Variants in ABCC3 observed in about 807,000 individuals in gnomAD.
ABCC3 encodes ATP binding cassette subfamily C member 3, also known as ATP-binding cassette sub-family C member 3.
A neutral mutation model predicts 165.3 loss-of-function variants in ABCC3; 121 were observed. The ratio of observed to expected loss-of-function variants is 0.73; its 90% CI spans 0.63 to 0.85. The LOEUF is 0.85. ABCC3 is among the 40% of genes least tolerant of loss of function. ABCC3 has a pLI of 0.00. For missense variants in ABCC3, 1,869 were observed against 1,964.1 expected, an observed-to-expected ratio of 0.95 and a Z score of 0.92; for synonymous variants, 733 against 810.1, an observed-to-expected ratio of 0.90 and a Z score of 1.62.
At position 50,684,073 on chromosome 17, in the gene ABCC3, A is replaced by G. The variant is rs369815202; in HGVS notation, c.4079A>G (p.His1360Arg). Residue 1360 changes from histidine (H) to arginine (R), a missense_variant, in exon 28 of 31, where the codon CAT becomes CGT. Physicochemically the swap from His to Arg is conservative, Grantham distance 29 (BLOSUM62 0). Coordinates refer to ENST00000285238, the MANE Select transcript of ABCC3 (RefSeq NM_003786.4). ...CTCAATGTGGCAGACATCGGCCTCC[A>G]TGACCTGCGCTCTCAGCTGACCATC... ...DGLNVADIGL[H>R]DLRSQLTIIP... 5 of 1,613,512 alleles carry G rather than the reference A, an allele frequency of 3.1e-6. No individual in the cohort carries two copies. Among genetic ancestry groups the G allele is most frequent in the Non-Finnish European group, 4.2e-6 (5 of 1,179,784 alleles).
chr17:50,674,044 CTT>C (rs1567835773), intron 19 of ABCC3, among the ~76,000 whole-genome samples: 12 of 34,172 alleles, frequency 3.5e-4, no homozygotes, highest in African/African-American at 6.2e-4. Context: ...CTCTTTCTTT[CTT>C]TCTTTCTTTC....
chr17:50,686,905 G>A (rs1968032205), intron 29 of ABCC3, among the ~76,000 whole-genome samples: 1 of 152,136 alleles, frequency 6.6e-6, no homozygotes, highest in Admixed American at 6.6e-5. Context: ...GGGATGCTGT[G>A]GCCTCTGGTT....
chr17:50,656,589 C>T (rs995392342), intron 2 of ABCC3, 113 bp from the exon 3 acceptor site: 33 of 1,410,664 alleles, frequency 2.3e-5, no homozygotes, highest in Non-Finnish European at 3.2e-5. Flanking sequence ...ACCTCAGTGC[C>T]AGTCCCAGGC....
rs201006066 is a variant in ABCC3 at position 50,641,466 on chromosome 17, T to C, written c.45+6485T>C. On this transcript the variant is annotated intron_variant, in intron 1 of 30. Transcript: ENST00000285238. The stretch of plus-strand genomic sequence containing the variant: ...CCTGTCCTCACCTTCATTTTACACA[T>C]AACTGAGTTGGAGACCCTTCTGGGT... Among the ~76,000 whole-genome samples the C allele has an allele frequency of 6.6e-5, 10 of 152,306 alleles. No individual in the cohort carries two copies. In the East Asian group the frequency reaches 1.7e-3, roughly 26 times the overall value.
chr17:50,644,137 C>A (rs1050293961), intron 1 of ABCC3, among the ~76,000 whole-genome samples: 3 of 150,968 alleles, frequency 2.0e-5, no homozygotes, highest in African/African-American at 7.3e-5. Flanking sequence ...ACGGTGAAAC[C>A]CCGTCTCTAC....
intron 13 of ABCC3, 36 bp from the exon 14 acceptor site, chr17:50,668,394 G>C (rs1377020892): frequency 3.2e-5 from 51 of 1,587,556 alleles, no homozygotes; most frequent in Non-Finnish European, 3.5e-5. Flanking sequence ...GGTTGGGAAA[G>C]TACAGTCTCT....
chr17:50,684,846 C>A lies in ABCC3; in HGVS notation c.4251C>A (p.Phe1417Leu), dbSNP rs1383501101. The A allele has an allele frequency of 6.2e-7, 1 of 1,614,138 alleles. No individual in the cohort carries two copies. Among genetic ancestry groups the A allele is most frequent in the East Asian group, 2.2e-5 (1 of 44,888 alleles). The change falls in exon 29 of 31, where the codon TTC becomes TTA. Residue 1417 changes from phenylalanine (F) to leucine (L), a missense_variant. Phe to Leu is a conservative substitution (Grantham distance 22). Transcript: ENST00000285238. ...GCTCCCAGCCGGCAGGCCTGGACTT[C>A]CAGTGCTCAGAGGGCGGGGAGAATC... is the stretch of plus-strand genomic sequence containing the variant. ...FVSSQPAGLD[F>L]QCSEGGENLS... is the part of the protein sequence containing the mutation.
intron 1 of ABCC3, among the ~76,000 whole-genome samples, chr17:50,655,576 A>G (rs1363100524): frequency 6.6e-6 from 1 of 152,088 alleles, no homozygotes; most frequent in Admixed American, 6.6e-5. Flanking sequence ...AATTGGGTGC[A>G]GTTTTTGTTG....
Position 50,679,816 on chromosome 17 carries a change from T to G in ABCC3, c.3724T>G (p.Trp1242Gly). The G allele has an allele frequency of 6.2e-7, 1 of 1,614,120 alleles. No individual in the cohort carries two copies. The stretch of plus-strand genomic sequence containing the variant: ...TGGCCAGGTGACATTTGCTCTGAAC[T>G]GGATGATACGAATGATGTCAGATTT... ...YSLQVTFALN[W>G]MIRMMSDLES... is the part of the protein sequence containing the mutation. Residue 1242 changes from tryptophan to glycine, a missense_variant, in exon 26 of 31, where the codon TGG becomes GGG. Physicochemically the swap from Trp to Gly is radical, Grantham distance 184. Transcript: ENST00000285238.
chr17:50,678,352 A>AT, intron 25 of ABCC3, 133 bp downstream of exon 25: 33 of 894,938 alleles, frequency 3.7e-5, no homozygotes, highest in Non-Finnish European at 4.9e-5. Flanking sequence ...AAGGACTGTG[A>AT]GAAAAAAAAA....
intron 1 of ABCC3, among the ~76,000 whole-genome samples, chr17:50,651,050 G>A (rs564551035): frequency 8.9e-5 from 11 of 122,936 alleles, no homozygotes; most frequent in African/African-American, 3.4e-4. Context: ...GGGTGACAGC[G>A]CGAGACTCCA....
chr17:50,668,420 C>T lies in ABCC3; in HGVS notation c.1783-10C>T. On this transcript the variant is annotated splice_polypyrimidine_tract_variant and intron_variant, in intron 13 of 30. Transcript: ENST00000285238. Reference sequence around the variant, plus strand: ...TACAGTCTCTAGGGCTGACTCACATCCTCCCGTAGGCCAGTGTGTCTCTGA... The same window carrying T: ...TACAGTCTCTAGGGCTGACTCACATTCTCCCGTAGGCCAGTGTGTCTCTGA... The T allele has an allele frequency of 1.9e-6, 3 of 1,612,630 alleles. No individual in the cohort carries two copies. The highest frequency in any genetic ancestry group is 2.5e-6 in the Non-Finnish European group (3 of 1,178,832).
rs765299998 is a variant in ABCC3 at position 50,664,023 on chromosome 17, C to T, written c.1250C>T (p.Ala417Val). 1 of 1,614,180 alleles carries T rather than the reference C, an allele frequency of 6.2e-7. No homozygotes were observed. ...ATTGTCAACCTCATGTCAGTGGATGCCCAGCGCTTCATGGACCTTGCCCCC... is the reference window on the plus strand; with the variant it reads ...ATTGTCAACCTCATGTCAGTGGATGTCCAGCGCTTCATGGACCTTGCCCCC... ...GEIVNLMSVD[A>V]QRFMDLAPFL... The change falls in exon 10 of 31, where the codon GCC (alanine) becomes GTC (valine). Residue 417 changes from alanine (A) to valine (V), a missense_variant. Physicochemically the swap from Ala to Val is moderately conservative, Grantham distance 64. Transcript: ENST00000285238.
intron 26 of ABCC3, 44 bp downstream of exon 26, chr17:50,679,943 C>A: frequency 6.5e-7 from 1 of 1,532,718 alleles, no homozygotes; most frequent in Non-Finnish European, 9.0e-7. Flanking sequence ...TCTGAAGTAG[C>A]TGGGGAAGAA....
rs547660892 is a variant in ABCC3, at chr17:50,664,045, C to A, written c.1272C>A (p.Ala424=). Residue 424 remains alanine (A), a synonymous_variant, in exon 10 of 31, where the codon GCC becomes GCA. Transcript: ENST00000285238. ...ATGCCCAGCGCTTCATGGACCTTGC[C>A]CCCTTCCTCAATCTGCTGTGGTCAG... is the stretch of plus-strand genomic sequence containing the variant. The part of the protein sequence containing the change: ...SVDAQRFMDL[A]PFLNLLWSAP... 3 of 1,614,164 alleles carry A rather than the reference C, an allele frequency of 1.9e-6. No homozygotes were observed. Among genetic ancestry groups the A allele is most frequent in the African/African-American group, 2.7e-5 (2 of 75,042 alleles).
chr17:50,662,657 AAGAG>A (rs386386243), intron 8 of ABCC3, among the ~76,000 whole-genome samples: 9 of 147,642 alleles, frequency 6.1e-5, no homozygotes, highest in Non-Finnish European at 1.4e-4. Context: ...AAAAAAAAAA[AAGAG>A]AGAGAGAGAC....
chr17:50,656,047 C>A, intron 2 of ABCC3, 39 bp downstream of exon 2: 1 of 1,435,492 alleles, frequency 7.0e-7, no homozygotes, highest in South Asian at 1.6e-5. Context: ...GGGGCTGGGC[C>A]CTGGGGATTC....
At chr17:50,657,206 C>T (rs1189634846) in intron 4 of ABCC3, 23 bp downstream of exon 4, 2 of 1,610,960 alleles carry the variant, frequency 1.2e-6, no homozygotes, top group African/African-American at 1.3e-5. Flanking sequence ...GAGAGGGGAA[C>T]CTGCCAGGTT....
chr17:50,659,438 T>A (rs1250937854), intron 7 of ABCC3, 70 bp downstream of exon 7: 1 of 1,533,420 alleles, frequency 6.5e-7, no homozygotes, highest in Non-Finnish European at 8.8e-7. Flanking sequence ...AGGACGCTGG[T>A]AGACCTTGGA....
Sources: gnomAD v4.1 joint callset for allele counts (sites outside exome capture counted in the v4.1 genomes callset) on GRCh38, gnomAD v4.1.1 for gene constraint, MANE v1.5 for transcripts, NCBI Gene and HGNC (gene_info 2026-07-23, HGNC 2026-07-21) for gene names.